The following CELF2 variants were observed in gnomAD, a reference collection of about 807,000 sequenced individuals.
CELF2 encodes CUG triplet repeat RNA-binding protein 2.
In CELF2, 8 loss-of-function variants were observed where a neutral mutation model predicts 62.6. The ratio of observed to expected loss-of-function variants is 0.13; its 90% CI spans 0.07 to 0.23. CELF2 has a LOEUF of 0.23. CELF2 is among the 10% of genes least tolerant of loss of function. The pLI, the probability that CELF2 is intolerant of heterozygous loss-of-function variation, is 1.00. For missense variants in CELF2, 333 were observed against 671.0 expected, an observed-to-expected ratio of 0.50 and a Z score of 5.56; for synonymous variants, 258 against 250.0, an observed-to-expected ratio of 1.03 and a Z score of -0.30.
In CELF2 at chr10:11,285,826, G is replaced by GGTGGGT. The variant is rs1228318958; in HGVS notation, c.842-2589_842-2588insGGTGTG. Among the ~76,000 whole-genome samples the GGTGGGT allele has an allele frequency of 9.3e-5, 12 of 128,792 alleles. No homozygotes were observed. Among genetic ancestry groups the GGTGGGT allele is most frequent in the African/African-American group, 3.5e-4 (12 of 34,032 alleles). The allele number at this position is 128,792 out of a possible 152,430, so 84.5% of individuals were successfully genotyped here. A position where few individuals can be genotyped will look rare whatever the true frequency, so the allele number is the denominator to read the frequency against. On this transcript the variant is annotated intron_variant, in intron 8 of 12. Transcript: ENST00000633077. This position sits in a 1 kb window ranked among gnomAD's most constrained non-coding sequence, Gnocchi z 4.3. The stretch of plus-strand genomic sequence containing the variant: ...TTGCTCATCACCTACTATATATATT[G>GGTGGGT]GTGTGTGTGTGTGTGTGTGTGTGTG...
Position 10,983,539 on chromosome 10 carries a change from G to A in CELF2, c.89+63540G>A, listed in dbSNP as rs763184561. Among the ~76,000 whole-genome samples the A allele has an allele frequency of 2.0e-5, 3 of 152,118 alleles. No individual in the cohort carries two copies. Among genetic ancestry groups the A allele is most frequent in the Non-Finnish European group, 2.9e-5 (2 of 68,012 alleles). On this transcript the variant is annotated intron_variant, in intron 2 of 13. Coordinates refer to the CELF2 transcript ENST00000636488. The surrounding 1 kb of genome is among the most constrained non-coding windows in gnomAD (Gnocchi z 5.2). ...GCCTTATGCTATGATGGGTGCTACC[G>A]AAGATACATCCGTAGTTTTTGTTTT... is the stretch of plus-strand genomic sequence containing the variant.
At chr10:10,644,452 G>A in the CELF2 span, among the ~76,000 whole-genome samples, 1 of 151,754 alleles carries the variant, frequency 6.6e-6, no homozygotes, top group Non-Finnish European at 1.5e-5. Context: ...CTTCTTCCTG[G>A]AGACAGAGTA....
chr10:10,817,782 T>C (rs188744435), intron 1 of CELF2, among the ~76,000 whole-genome samples: 9 of 152,326 alleles, frequency 5.9e-5, no homozygotes, highest in Admixed American at 2.0e-4. Flanking sequence ...GCAACAAACA[T>C]AGAAGCAATA....
the CELF2 span, among the ~76,000 whole-genome samples, chr10:10,711,182 GA>G: frequency 3.3e-5 from 5 of 152,090 alleles, no homozygotes; most frequent in Non-Finnish European, 5.9e-5. Flanking sequence ...CCTCCCTATA[GA>G]GAACCATTGC....
the CELF2 span, among the ~76,000 whole-genome samples, chr10:10,660,849 A>G: frequency 1.3e-5 from 2 of 152,214 alleles, no homozygotes; most frequent in African/African-American, 4.8e-5. Context: ...TCCAAAGTAA[A>G]CTTAAAGTAA....
chr10:10,708,486 A>G, the CELF2 span, among the ~76,000 whole-genome samples: 1 of 152,354 alleles, frequency 6.6e-6, no homozygotes, highest in South Asian at 2.1e-4. Flanking sequence ...CTTGGCATAT[A>G]TAAAATACCT....
At chr10:11,271,829 A>C (rs938048774) in intron 7 of CELF2, among the ~76,000 whole-genome samples, 2 of 152,020 alleles carry the variant, frequency 1.3e-5, no homozygotes, top group African/African-American at 4.8e-5. Flanking sequence ...TTGTAGCAGA[A>C]GTTGTGCTTT....
the CELF2 span, among the ~76,000 whole-genome samples, chr10:10,728,399 G>A: frequency 1.4e-5 from 2 of 145,150 alleles, no homozygotes; most frequent in African/African-American, 5.2e-5. Flanking sequence ...GTTGCAGTGA[G>A]CCAAGATCAT....
chr10:11,275,232 C>T (rs1565700589), intron 8 of CELF2, 112 bp downstream of exon 8: 1 of 1,079,154 alleles, frequency 9.3e-7, no homozygotes, highest in East Asian at 2.4e-5. Context: ...GATGATCAGA[C>T]TTGTTAGCTT....
rs372516953 is a variant in CELF2, at chr10:10,810,432, TA to T, written c.53+11616del. Among the ~76,000 whole-genome samples the T allele has an allele frequency of 5.4e-3, 818 of 152,292 alleles. 8 individuals carry two copies. The highest frequency in any genetic ancestry group is 0.019 in the African/African-American group (785 of 41,560). Reference sequence around the variant, plus strand: ...GGTGAACTAAATATCTGTTTCCAATTAGTTTTTCTTTGCAGCCTCAGGTAGC... The same window carrying T: ...GGTGAACTAAATATCTGTTTCCAATTGTTTTTCTTTGCAGCCTCAGGTAGC... On this transcript the variant is annotated intron_variant, in intron 1 of 13. Coordinates refer to the CELF2 transcript ENST00000636488.
rs2135905593 is a variant in CELF2 at position 10,957,962 on chromosome 10, A to C, written c.89+37963A>C. 6.6e-6 allele frequency among the ~76,000 whole-genome samples: 1 copy of C among 152,310 alleles called. No individual in the cohort carries two copies. The highest frequency in any genetic ancestry group is 2.4e-5 in the African/African-American group (1 of 41,588). ...TTATGTGTTTCAGAGGAGCGCTATG[A>C]CTTAAGGAATGTATATGAAATCTTC... On this transcript the variant is annotated intron_variant, in intron 2 of 13. Transcript: ENST00000636488. The surrounding 1 kb of genome is among the most constrained non-coding windows in gnomAD (Gnocchi z 4.1).
chr10:10,727,573 G>A, the CELF2 span, among the ~76,000 whole-genome samples: 4 of 151,948 alleles, frequency 2.6e-5, no homozygotes, highest in Non-Finnish European at 5.9e-5. Context: ...TCGGGAGATC[G>A]AGACCATCCT....
At chr10:10,844,948 T>G (rs970683005) in intron 1 of CELF2, among the ~76,000 whole-genome samples, 3 of 152,144 alleles carry the variant, frequency 2.0e-5, no homozygotes, top group Non-Finnish European at 4.4e-5. Context: ...TCATGTGAGA[T>G]GGATGAATGA....
chr10:10,833,583 C>T lies in CELF2; in HGVS notation c.53+34766C>T, dbSNP rs531286429. On this transcript the variant is annotated intron_variant, in intron 1 of 13. Coordinates refer to the CELF2 transcript ENST00000636488. ...AGGAATATAATCAAGGATTGTGAAT[C>T]GTGATGATGCGAACAGTGCGTGCAC... is the stretch of plus-strand genomic sequence containing the variant. 4.5e-4 allele frequency among the ~76,000 whole-genome samples: 69 copies of T among 152,202 alleles called. 1 individual carries two copies. In the South Asian group the frequency reaches 0.013, roughly 28 times the overall value.
intron 5 of CELF2, 21 bp from the exon 6 acceptor site, chr10:11,266,577 C>G (rs1352783106): frequency 6.2e-7 from 1 of 1,607,800 alleles, no homozygotes; most frequent in Non-Finnish European, 8.5e-7. Flanking sequence ...TTCCTGCTCC[C>G]TGTCCCCTTG....
At chr10:10,535,945 G>A in the CELF2 span, among the ~76,000 whole-genome samples, 1 of 152,008 alleles carries the variant, frequency 6.6e-6, no homozygotes, top group African/African-American at 2.4e-5. Context: ...TGATTCAATG[G>A]GACTGGGCTG....
chr10:10,858,050 A>T (rs1044253063), intron 1 of CELF2, among the ~76,000 whole-genome samples: 1 of 152,156 alleles, frequency 6.6e-6, no homozygotes, highest in African/African-American at 2.4e-5. Context: ...AGGTGGAAAA[A>T]GAAATGAACA....
chr10:11,300,961 C>G lies in CELF2; in HGVS notation c.976+12409C>G, dbSNP rs2093660157. The stretch of plus-strand genomic sequence containing the variant: ...GTCTTCTGTTAATGTTGTTTTGTTG[C>G]AGCTTTAAAAAAAAGTATTTTGCTA... On this transcript the variant is annotated intron_variant, in intron 9 of 12. Transcript: ENST00000633077. The surrounding 1 kb of genome is among the most constrained non-coding windows in gnomAD (Gnocchi z 5.5). 2.6e-5 allele frequency among the ~76,000 whole-genome samples: 4 copies of G among 152,128 alleles called. No homozygotes were observed. The South Asian group carries it at 8.3e-4, about 32-fold the overall frequency.
intron 1 of CELF2, among the ~76,000 whole-genome samples, chr10:10,908,472 G>A (rs947844136): frequency 4.0e-5 from 6 of 151,210 alleles, no homozygotes; most frequent in Non-Finnish European, 7.4e-5. Context: ...TGCCCGCCTC[G>A]GCCTCCCAAA....
Sources: allele counts gnomAD v4.1 joint callset (sites outside exome capture counted in the v4.1 genomes callset), GRCh38; gene constraint gnomAD v4.1.1; non-coding constraint Gnocchi (gnomAD v3.1); transcripts MANE v1.5; gene names NCBI Gene and HGNC (gene_info 2026-07-23, HGNC 2026-07-21).